FER1L6: variants seen among roughly 807,000 people sequenced by gnomAD.
FER1L6 encodes fer-1 like family member 6.
FER1L6 carries 177 observed loss-of-function variants against 219.2 expected under a neutral mutation model. The observed-to-expected ratio is 0.81, with a 90% CI of 0.71 to 0.91. FER1L6 has a LOEUF of 0.91. FER1L6 is among the 40% of genes least tolerant of loss of function. The probability of loss-of-function intolerance (pLI) is 0.00; values close to 1 mark genes in which losing one functional copy is unlikely to be tolerated. For synonymous variants in FER1L6, 768 were observed against 824.3 expected, an observed-to-expected ratio of 0.93 and a Z score of 1.17; for missense variants, 2,153 against 2,259.9, an observed-to-expected ratio of 0.95 and a Z score of 0.96.
intron 1 of FER1L6, among the ~76,000 whole-genome samples, chr8:123,929,796 C>T (rs1813699385): frequency 6.6e-6 from 1 of 152,080 alleles, no homozygotes; most frequent in Non-Finnish European, 1.5e-5. Flanking sequence ...CACATGAAAG[C>T]ACATGAAAAT....
chr8:123,979,309 C>T lies in FER1L6; in HGVS notation c.1064-1156C>T, dbSNP rs146570577. On this transcript the variant is annotated intron_variant, in intron 10 of 40. Coordinates refer to ENST00000522917, the MANE Select transcript of FER1L6 (RefSeq NM_001039112.2). ...ATTTTGAGAAATAAAATGCCATCTACTGAGCGGAAATTCTTTTACCTGACC... is the reference window on the plus strand; with the variant it reads ...ATTTTGAGAAATAAAATGCCATCTATTGAGCGGAAATTCTTTTACCTGACC... Among the ~76,000 whole-genome samples, 213 of 152,284 alleles carry T rather than the reference C, an allele frequency of 1.4e-3. 1 individual carries two copies. Among genetic ancestry groups the T allele is most frequent in the African/African-American group, 5.0e-3 (206 of 41,566 alleles).
rs149309298 is a variant in FER1L6, at chr8:123,872,595, A to G, written c.-8+20410A>G. ...AATATTGGTTCATTAATTGTGACAA[A>G]TGTAACATACTAATGTAAGATAATA... On this transcript the variant is annotated intron_variant, in intron 1 of 40. Transcript: ENST00000522917. 6.5e-3 allele frequency among the ~76,000 whole-genome samples: 994 copies of G among 152,330 alleles called. 11 individuals are homozygous for G. Among genetic ancestry groups the G allele is most frequent in the African/African-American group, 0.023 (946 of 41,580 alleles).
At chr8:123,909,252 G>T (rs752935255) in intron 1 of FER1L6, among the ~76,000 whole-genome samples, 5 of 152,082 alleles carry the variant, frequency 3.3e-5, no homozygotes, top group Non-Finnish European at 1.5e-5. Flanking sequence ...ATTGCATGGG[G>T]ACATGAGTGT....
chr8:123,983,625 T>C (rs182184236), intron 11 of FER1L6, among the ~76,000 whole-genome samples: 1 of 152,340 alleles, frequency 6.6e-6, no homozygotes, highest in East Asian at 1.9e-4. Context: ...ATGTAAATTG[T>C]GGCAGTATGG....
At chr8:124,053,847 AG>A (rs1267102085) in intron 22 of FER1L6, among the ~76,000 whole-genome samples, 1 of 152,138 alleles carries the variant, frequency 6.6e-6, no homozygotes, top group Non-Finnish European at 1.5e-5. Context: ...CAGGAGAGCA[AG>A]AGACCCTGTC....
intron 1 of FER1L6, among the ~76,000 whole-genome samples, chr8:123,892,397 T>C (rs1812665035): frequency 6.6e-6 from 1 of 152,122 alleles, no homozygotes; most frequent in Non-Finnish European, 1.5e-5. Flanking sequence ...GTTCAAGTGA[T>C]TCTTGTGTCT....
chr8:124,084,753 T>C (rs1821715513), intron 33 of FER1L6, among the ~76,000 whole-genome samples: 1 of 152,150 alleles, frequency 6.6e-6, no homozygotes, highest in Non-Finnish European at 1.5e-5. Flanking sequence ...TGATGTGTCT[T>C]TGGTTTTGCT....
chr8:123,884,282 A>T (rs1280124321), intron 1 of FER1L6, among the ~76,000 whole-genome samples: 1 of 152,154 alleles, frequency 6.6e-6, no homozygotes, highest in Non-Finnish European at 1.5e-5. Flanking sequence ...CAATCTTAGG[A>T]TGGAGTTACA....
In FER1L6 at chr8:124,091,722, T is replaced by C. The variant is rs1188590209; in HGVS notation, c.4552+139T>C. On this transcript the variant is annotated intron_variant, in intron 34 of 40. Transcript: ENST00000522917. ...TGGCTCACGTCTGTAATCCCAGCAC[T>C]ATGGGAGGCTGAGGCGGGCGGATCA... 1.2e-5 allele frequency: 10 copies of C among 861,232 alleles called. No individual in the cohort carries two copies. The East Asian group carries it at 1.6e-4, about 14-fold the overall frequency. The allele number at this position is 861,232 out of a possible 1,614,324, so 53.3% of individuals were successfully genotyped here.
intron 18 of FER1L6, among the ~76,000 whole-genome samples, chr8:124,025,064 T>C (rs1452766835): frequency 6.6e-6 from 1 of 152,132 alleles, no homozygotes; most frequent in Non-Finnish European, 1.5e-5. Flanking sequence ...TTTTTTTATG[T>C]TGATTTGTTT....
At chr8:123,956,116 T>A in intron 2 of FER1L6, 42 bp downstream of exon 2, 16 of 1,520,370 alleles carry the variant, frequency 1.1e-5, no homozygotes, top group Non-Finnish European at 1.4e-5. Flanking sequence ...GGCCTGAGAG[T>A]CTCGCAGAGT....
At chr8:124,065,116 G>A (rs931288256) in intron 26 of FER1L6, among the ~76,000 whole-genome samples, 4 of 152,208 alleles carry the variant, frequency 2.6e-5, no homozygotes, top group East Asian at 3.9e-4. Context: ...TTAAGGGGCC[G>A]GGCATGGTGG....
intron 25 of FER1L6, among the ~76,000 whole-genome samples, chr8:124,062,610 A>G (rs1029103273): frequency 6.6e-6 from 1 of 152,172 alleles, no homozygotes; most frequent in African/African-American, 2.4e-5. Flanking sequence ...TGCTGTGTGT[A>G]CATTAGCCTG....
intron 22 of FER1L6, among the ~76,000 whole-genome samples, 174 bp from the exon 23 acceptor site, chr8:124,060,006 T>A (rs1436758706): frequency 1.3e-5 from 2 of 152,230 alleles, no homozygotes; most frequent in Non-Finnish European, 2.9e-5. Context: ...ATGACTGCAT[T>A]TATCAATTAA....
intron 1 of FER1L6, among the ~76,000 whole-genome samples, chr8:123,898,848 T>TACAC (rs147446907): frequency 6.3e-5 from 9 of 143,262 alleles, no homozygotes; most frequent in South Asian, 2.2e-4. Flanking sequence ...CATACATATA[T>TACAC]ACACACACAC....
chr8:124,045,648 T>G, intron 20 of FER1L6, 119 bp from the exon 21 acceptor site: 4 of 1,098,534 alleles, frequency 3.6e-6, no homozygotes, highest in South Asian at 1.4e-5. Flanking sequence ...TATTGAATGG[T>G]GAGCAATCAC....
At chr8:123,907,703 A>T (rs1467593999) in intron 1 of FER1L6, among the ~76,000 whole-genome samples, 1 of 147,944 alleles carries the variant, frequency 6.8e-6, no homozygotes, top group African/African-American at 2.5e-5. Flanking sequence ...TGATTGTATG[A>T]GAGGCCTTCA....
At chr8:123,953,047 T>A (rs1358272198) in intron 1 of FER1L6, among the ~76,000 whole-genome samples, 3 of 152,218 alleles carry the variant, frequency 2.0e-5, no homozygotes, top group African/African-American at 7.2e-5. Context: ...GAACCCTGTG[T>A]CACGGGTTCA....
intron 33 of FER1L6, among the ~76,000 whole-genome samples, chr8:124,087,278 T>C (rs1821824015): frequency 6.6e-6 from 1 of 152,072 alleles, no homozygotes; most frequent in Admixed American, 6.5e-5. Flanking sequence ...TTCAATTCTT[T>C]GTTTGTTTCC....
Sources: allele counts gnomAD v4.1 joint callset (sites outside exome capture counted in the v4.1 genomes callset), GRCh38; gene constraint gnomAD v4.1.1; transcripts MANE v1.5; gene names NCBI Gene and HGNC (gene_info 2026-07-23, HGNC 2026-07-21).